The following TGM3 variants were observed in gnomAD, a reference collection of about 807,000 sequenced individuals.
TGM3 encodes protein-glutamine gamma-glutamyltransferase E.
A neutral mutation model predicts 73.8 loss-of-function variants in TGM3; 52 were observed. That is an observed-to-expected ratio of 0.70 (90% CI 0.56 to 0.89). The LOEUF is 0.89. Ranked by LOEUF, TGM3 falls within the 40% of genes least tolerant of loss-of-function variation. The probability of loss-of-function intolerance (pLI) is 0.00; values close to 1 mark genes in which losing one functional copy is unlikely to be tolerated. For missense variants in TGM3, 928 were observed against 909.9 expected (o/e 1.02, Z -0.26); for synonymous variants, 372 against 354.9 (o/e 1.05, Z -0.54).
chr20:2,309,727 C>T lies in TGM3; in HGVS notation c.78C>T (p.Ser26=), dbSNP rs7262519. Residue 26 remains serine, a synonymous_variant, in exon 2 of 13, where the codon TCC becomes TCT. Coordinates refer to ENST00000381458, the MANE Select transcript of TGM3 (RefSeq NM_003245.4). ...AAGCGCATCACACAGACAAGTTCTC[C>T]AGCCAGGAGCTCATCTTGCGGAGAG... ...NRQAHHTDKF[S]SQELILRRGQ... 2.4e-4 allele frequency: 380 copies of T among 1,614,192 alleles called. 1 individual carries two copies. In the African/African-American group the frequency reaches 4.2e-3, roughly 18 times the overall value.
intron 1 of TGM3, among the ~76,000 whole-genome samples, chr20:2,296,833 G>C (rs1340184021): frequency 6.6e-6 from 1 of 152,202 alleles, no homozygotes; most frequent in Admixed American, 6.5e-5. Flanking sequence ...TATCTGTCTT[G>C]TGTGCTCAGC....
chr20:2,324,193 C>T (rs2084275465), intron 7 of TGM3, among the ~76,000 whole-genome samples: 1 of 152,026 alleles, frequency 6.6e-6, no homozygotes, highest in African/African-American at 2.4e-5. Context: ...TGTGCTTTTT[C>T]CAGTTAAAAT....
At chr20:2,340,036 G>GGGGGGGGGGGGGGGGGGGGC in intron 12 of TGM3, 49 bp downstream of exon 12, 2 of 1,438,896 alleles carry the variant, frequency 1.4e-6, no homozygotes, top group Non-Finnish European at 1.9e-6. Context: ...GAGGGGGCGG[G>GGGGGGGGGGGGGGGGGGGGC]GGGGCCCTCC....
chr20:2,333,913 A>C (rs1420168737), intron 10 of TGM3, among the ~76,000 whole-genome samples: 1 of 152,172 alleles, frequency 6.6e-6, no homozygotes, highest in Admixed American at 6.5e-5. Flanking sequence ...AGCTGATGCA[A>C]GGGCCTGTCC....
At chr20:2,320,781 C>G (rs1600701060) in intron 7 of TGM3, among the ~76,000 whole-genome samples, 1 of 152,160 alleles carries the variant, frequency 6.6e-6, no homozygotes, top group Non-Finnish European at 1.5e-5. Flanking sequence ...GTCTCTGGAG[C>G]CTATTCAGCC....
At chr20:2,302,739 G>A (rs386361) in intron 1 of TGM3, among the ~76,000 whole-genome samples, 6 of 43,282 alleles carry the variant, frequency 1.4e-4, no homozygotes, top group South Asian at 1.2e-3. Flanking sequence ...ATTTAAAACA[G>A]GTATTCAAAC....
chr20:2,310,048 G>T, intron 2 of TGM3, 130 bp from the exon 3 acceptor site: 1 of 1,445,548 alleles, frequency 6.9e-7, no homozygotes, highest in Non-Finnish European at 9.4e-7. Flanking sequence ...GTTTGTTCCA[G>T]TTACTTCCAG....
intron 9 of TGM3, among the ~76,000 whole-genome samples, chr20:2,329,012 A>C (rs1280645532): frequency 6.6e-6 from 1 of 152,246 alleles, no homozygotes; most frequent in Non-Finnish European, 1.5e-5. Flanking sequence ...TGAAACCAGC[A>C]GCGCATCTCT....
In TGM3 at chr20:2,334,539, G is replaced by A. The variant is rs987194090; in HGVS notation, c.1643-577G>A. Among the ~76,000 whole-genome samples, 6 of 152,292 alleles carry A rather than the reference G, an allele frequency of 3.9e-5. No homozygotes were observed. Among genetic ancestry groups the A allele is most frequent in the East Asian group, 1.9e-4 (1 of 5,178 alleles). On this transcript the variant is annotated intron_variant, in intron 10 of 12. Transcript: ENST00000381458. The surrounding 1 kb of genome is among the most constrained non-coding windows in gnomAD (Gnocchi z 4.0). ...TTAGATGACGGGGAGGATCCTAAGC[G>A]TTTGTTTAGCCAATACCCTGGCTTC...
chr20:2,298,606 C>G (rs556965298), intron 1 of TGM3, among the ~76,000 whole-genome samples: 2 of 152,206 alleles, frequency 1.3e-5, no homozygotes, highest in African/African-American at 4.8e-5. Context: ...TCCTCCACCC[C>G]CAAAGGACCT....
In TGM3 at chr20:2,332,248, A is replaced by G; in HGVS notation, c.1580A>G (p.Asn527Ser). The change falls in exon 10 of 13, where the codon AAC becomes AGC. Residue 527 changes from asparagine to serine, a missense_variant. Coordinates refer to ENST00000381458, the MANE Select transcript of TGM3 (RefSeq NM_003245.4). The surrounding 1 kb of genome is among the most constrained non-coding windows in gnomAD (Gnocchi z 4.4). The part of the protein sequence containing the change: ...VNMTAWTIIY[N>S]GTLVHEVWKD... Reference sequence around the variant, plus strand: ...ATGACAGCCTGGACCATCATCTACAACGGCACGCTTGTACATGAAGTGTGG... The same window carrying G: ...ATGACAGCCTGGACCATCATCTACAGCGGCACGCTTGTACATGAAGTGTGG... 6.2e-7 allele frequency: 1 copy of G among 1,613,984 alleles called. No individual in the cohort carries two copies. Among genetic ancestry groups the G allele is most frequent in the African/African-American group, 1.3e-5 (1 of 75,030 alleles).
intron 1 of TGM3, among the ~76,000 whole-genome samples, chr20:2,299,506 TG>T (rs1233946703): frequency 1.2e-4 from 18 of 152,124 alleles, no homozygotes; most frequent in Non-Finnish European, 1.5e-5. Flanking sequence ...CGTGCCAGGC[TG>T]GGGTGTGTGC....
intron 5 of TGM3, among the ~76,000 whole-genome samples, chr20:2,315,853 C>A (rs766279743): frequency 1.3e-5 from 2 of 152,178 alleles, no homozygotes; most frequent in Non-Finnish European, 2.9e-5. Context: ...GGCTTGTAAC[C>A]TCAGTGTCTC....
chr20:2,341,002 G>C lies in TGM3; in HGVS notation c.*421G>C. On this transcript the variant is annotated 3_prime_UTR_variant, in exon 13 of 13. Transcript: ENST00000381458. ...TGCTTCTCTCTCAGGCCACCACAGA[G>C]GGCAGGGGATGGTTAGTCACCTGCC... 1 of 456,406 alleles carries C rather than the reference G, an allele frequency of 2.2e-6. No homozygotes were observed. Among genetic ancestry groups the C allele is most frequent in the South Asian group, 1.6e-5 (1 of 64,452 alleles). 28.3% of individuals were successfully genotyped at this position (456,406 alleles called of 1,614,324 possible).
chr20:2,308,808 G>A (rs1038356576), intron 1 of TGM3, among the ~76,000 whole-genome samples: 3 of 152,070 alleles, frequency 2.0e-5, no homozygotes, highest in Non-Finnish European at 2.9e-5. Flanking sequence ...TGGTGTCTGG[G>A]GACACACAAG....
chr20:2,299,869 G>C (rs1042205268), intron 1 of TGM3, among the ~76,000 whole-genome samples: 1 of 152,184 alleles, frequency 6.6e-6, no homozygotes, highest in Non-Finnish European at 1.5e-5. Context: ...AGGTCAAGGC[G>C]GGTAGATTAT....
intron 11 of TGM3, 58 bp downstream of exon 11, chr20:2,335,331 A>G (rs2084344016): frequency 1.2e-6 from 2 of 1,602,440 alleles, no homozygotes; most frequent in Admixed American, 1.7e-5. Flanking sequence ...CCCAGCTCCC[A>G]GGAGCCCCAC....
chr20:2,331,862 A>C, intron 9 of TGM3, 140 bp from the exon 10 acceptor site: 5 of 961,170 alleles, frequency 5.2e-6, no homozygotes, highest in Non-Finnish European at 7.8e-6. Context: ...GGCGAGCTGG[A>C]GACCTGTGAA....
rs1160284070 is a variant in TGM3, at chr20:2,310,452, C to T, written c.421+35C>T. The T allele has an allele frequency of 3.7e-6, 6 of 1,605,742 alleles. No individual in the cohort carries two copies. In the African/African-American group the frequency reaches 8.0e-5, roughly 22 times the overall value. ...TAGCCACCCACACTCTCAGCCCTGGCCTAAGCTAGAAAAGAAAAAGGGGAT... is the reference window on the plus strand; with the variant it reads ...TAGCCACCCACACTCTCAGCCCTGGTCTAAGCTAGAAAAGAAAAAGGGGAT... On this transcript the variant is annotated intron_variant, in intron 3 of 12. Transcript: ENST00000381458.
Sources: gnomAD v4.1 joint callset for allele counts (sites outside exome capture counted in the v4.1 genomes callset) on GRCh38, gnomAD v4.1.1 for gene constraint, Gnocchi (gnomAD v3.1) non-coding constraint, MANE v1.5 for transcripts, NCBI Gene and HGNC (gene_info 2026-07-23, HGNC 2026-07-21) for gene names.